The following OSBPL5 variants were observed in gnomAD, a reference collection of about 807,000 sequenced individuals.
OSBPL5 encodes the protein oxysterol binding protein like 5, also known as oxysterol-binding protein-related protein 5.
OSBPL5 carries 71 observed loss-of-function variants against 111.2 expected under a neutral mutation model. That is an observed-to-expected ratio of 0.64 (90% CI 0.53 to 0.78). The LOEUF (loss-of-function observed/expected upper bound fraction) is 0.78, where lower values mean the gene tolerates loss of function less well. Ranked by LOEUF, OSBPL5 falls within the 30% of genes least tolerant of loss-of-function variation. The probability of loss-of-function intolerance (pLI) is 0.00; values close to 1 mark genes in which losing one functional copy is unlikely to be tolerated. For missense variants in OSBPL5, 1,210 were observed against 1,189.3 expected (o/e 1.02, Z -0.26); for synonymous variants, 549 against 513.9 (o/e 1.07, Z -0.93).
At chr11:3,164,838 G>A (rs977796224) in intron 1 of OSBPL5, among the ~76,000 whole-genome samples, 1 of 152,180 alleles carries the variant, frequency 6.6e-6, no homozygotes, top group Non-Finnish European at 1.5e-5. Context: ...AGGGTTTGTG[G>A]TGGTCAGACC....
Position 3,092,910 on chromosome 11 carries a change from G to A in OSBPL5, c.2089C>T (p.His697Tyr). Residue 697 changes from histidine (H) to tyrosine (Y), a missense_variant, in exon 18 of 22, where the codon CAC (histidine) becomes TAC (tyrosine). Coordinates refer to ENST00000263650, the MANE Select transcript of OSBPL5 (RefSeq NM_020896.4). This position sits in a 1 kb window ranked among gnomAD's most constrained non-coding sequence, Gnocchi z 5.4. ...SLMPWKPQLFHLDPITQEWHY... is the reference protein window; with the variant it reads ...SLMPWKPQLFYLDPITQEWHY... ...CACTCCTGGGTGATGGGGTCCAGGT[G>A]GAACAGCTGCGGCTTCCAGGGCATG... 6.4e-7 allele frequency: 1 copy of A among 1,564,822 alleles called. No homozygotes were observed. Among genetic ancestry groups the A allele is most frequent in the Non-Finnish European group, 8.7e-7 (1 of 1,154,496 alleles).
At chr11:3,138,392 G>A (rs1846009312) in intron 1 of OSBPL5, among the ~76,000 whole-genome samples, 1 of 152,230 alleles carries the variant, frequency 6.6e-6, no homozygotes, top group South Asian at 2.1e-4. Flanking sequence ...CCGATTTTCA[G>A]ATGCTAGCTG....
At chr11:3,091,467 G>A (rs1857052239) in intron 19 of OSBPL5, among the ~76,000 whole-genome samples, 3 of 152,124 alleles carry the variant, frequency 2.0e-5, no homozygotes, top group African/African-American at 7.2e-5. Flanking sequence ...GGCATGGCAG[G>A]GCCCAGGCTG....
chr11:3,097,821 C>A (rs1431659119), intron 14 of OSBPL5, among the ~76,000 whole-genome samples: 1 of 152,224 alleles, frequency 6.6e-6, no homozygotes, highest in African/African-American at 2.4e-5. Flanking sequence ...AATCCCAGCA[C>A]TTTGGGAGGC....
chr11:3,107,447 C>G lies in OSBPL5; in HGVS notation c.875G>C (p.Gly292Ala), dbSNP rs761084899. The stretch of plus-strand genomic sequence containing the variant: ...GAATGCATCGTTCTCCAGGGAAGAC[C>G]CGTTCAGTCTGGAAGGTGGATGGTG... ...HPDQDLFPLNGSSLENDAFSD... is the reference protein window; with the variant it reads ...HPDQDLFPLNASSLENDAFSD... Residue 292 changes from glycine to alanine, a missense_variant, in exon 9 of 22, where the codon GGG (glycine) becomes GCG (alanine). Physicochemically the swap from Gly to Ala is moderately conservative, Grantham distance 60. Coordinates refer to ENST00000263650, the MANE Select transcript of OSBPL5 (RefSeq NM_020896.4). The surrounding 1 kb of genome is among the most constrained non-coding windows in gnomAD (Gnocchi z 6.1). 8.1e-6 allele frequency: 13 copies of G among 1,613,888 alleles called. No individual in the cohort carries two copies. The South Asian group carries it at 1.4e-4, about 18-fold the overall frequency.
intron 4 of OSBPL5, 97 bp from the exon 5 acceptor site, chr11:3,122,195 G>A: frequency 7.3e-7 from 1 of 1,377,024 alleles, no homozygotes; most frequent in Non-Finnish European, 1.0e-6. Flanking sequence ...AGGGGCAGGG[G>A]CAGGAGAGGA....
chr11:3,117,785 A>G (rs765333608), intron 7 of OSBPL5, among the ~76,000 whole-genome samples: 9 of 152,164 alleles, frequency 5.9e-5, no homozygotes, highest in Non-Finnish European at 1.3e-4. Flanking sequence ...GTCGCTGAAG[A>G]CTAAGCTGTG....
chr11:3,152,319 T>C (rs1172842513), intron 1 of OSBPL5, among the ~76,000 whole-genome samples: 1 of 152,236 alleles, frequency 6.6e-6, no homozygotes, highest in African/African-American at 2.4e-5. Context: ...TAACACGTCT[T>C]CTAGGTATAA....
intron 1 of OSBPL5, among the ~76,000 whole-genome samples, chr11:3,145,927 G>A (rs1846326075): frequency 6.6e-6 from 1 of 152,188 alleles, no homozygotes; most frequent in African/African-American, 2.4e-5. Context: ...GAGGGTTACA[G>A]GGACACTGGT....
At chr11:3,103,784 G>A (rs1453331734) in intron 10 of OSBPL5, among the ~76,000 whole-genome samples, 30 of 65,698 alleles carry the variant, frequency 4.6e-4, no homozygotes, top group Non-Finnish European at 7.9e-4. Context: ...AGCCTCTGCA[G>A]TCCCTTCCTG....
At chr11:3,112,386 T>A (rs1858027784) in intron 7 of OSBPL5, among the ~76,000 whole-genome samples, 1 of 152,206 alleles carries the variant, frequency 6.6e-6, no homozygotes, top group Non-Finnish European at 1.5e-5. Flanking sequence ...TTGTTTTTTC[T>A]TATGAAACCC....
chr11:3,103,888 A>AGCCTCTGCAGCCCTC (rs1564830906), intron 10 of OSBPL5, among the ~76,000 whole-genome samples: 1 of 102,882 alleles, frequency 9.7e-6, no homozygotes, highest in Non-Finnish European at 1.9e-5. Flanking sequence ...CTGTAGCCCC[A>AGCCTCTGCAGCCCTC]TTCCTGCCTC....
rs1038585652 is a variant in OSBPL5, at chr11:3,106,902, C to T, written c.1059+361G>A. 2.0e-5 allele frequency among the ~76,000 whole-genome samples: 3 copies of T among 152,188 alleles called. No individual in the cohort carries two copies. Among genetic ancestry groups the T allele is most frequent in the African/African-American group, 4.8e-5 (2 of 41,442 alleles). On this transcript the variant is annotated intron_variant, in intron 9 of 21. Coordinates refer to ENST00000263650, the MANE Select transcript of OSBPL5 (RefSeq NM_020896.4). The surrounding 1 kb of genome is among the most constrained non-coding windows in gnomAD (Gnocchi z 8.4). ...ACTCAGGTCCACACGCCCTCCTCTGCGCTCCTCCAGGAAGTGGGGCCGCCC... is the reference window on the plus strand; with the variant it reads ...ACTCAGGTCCACACGCCCTCCTCTGTGCTCCTCCAGGAAGTGGGGCCGCCC...
intron 1 of OSBPL5, among the ~76,000 whole-genome samples, chr11:3,129,578 A>G (rs1195795896): frequency 1.3e-5 from 2 of 152,030 alleles, no homozygotes; most frequent in African/African-American, 4.8e-5. Flanking sequence ...AGGGGTCTAG[A>G]GCTTCCATGG....
At chr11:3,111,953 C>CTGTGTG (rs71464198) in intron 7 of OSBPL5, among the ~76,000 whole-genome samples, 2 of 142,648 alleles carry the variant, frequency 1.4e-5, no homozygotes, top group Admixed American at 6.9e-5. Flanking sequence ...AACATCCAAG[C>CTGTGTG]TGTGTGTGTG....
At chr11:3,111,970 CAT>C (rs1491251320) in intron 7 of OSBPL5, among the ~76,000 whole-genome samples, 190 of 111,846 alleles carry the variant, frequency 1.7e-3, no homozygotes, top group African/African-American at 5.5e-3. Context: ...TGTGTGTGTG[CAT>C]ATGTGTGCGC....
Position 3,093,517 on chromosome 11 carries a change from C to T in OSBPL5, c.1946+10G>A. ...GGTCAGCAGGGTCCCTGGGCGCTGACAGGCCTCACCTCTCGGACTCCAGCT... is the reference window on the plus strand; with the variant it reads ...GGTCAGCAGGGTCCCTGGGCGCTGATAGGCCTCACCTCTCGGACTCCAGCT... On this transcript the variant is annotated intron_variant, in intron 17 of 21. Transcript: ENST00000263650. 1 of 1,605,626 alleles carries T rather than the reference C, an allele frequency of 6.2e-7. No individual in the cohort carries two copies. The highest frequency in any genetic ancestry group is 8.5e-7 in the Non-Finnish European group (1 of 1,178,786).
At chr11:3,094,713 C>T (rs10833220) in intron 14 of OSBPL5, 62,392 of 205,912 alleles carry the variant, frequency 0.3, 12,424 homozygotes, top group East Asian at 0.79. Context: ...AGACATGCAT[C>T]GTGCTTCACT....
rs1175039515 is a variant in OSBPL5 at position 3,130,649 on chromosome 11, TCA to T, written c.-21-1482_-21-1481del. On this transcript the variant is annotated intron_variant, in intron 1 of 21. Coordinates refer to ENST00000263650, the MANE Select transcript of OSBPL5 (RefSeq NM_020896.4). This position sits in a 1 kb window ranked among gnomAD's most constrained non-coding sequence, Gnocchi z 4.5. Reference sequence around the variant, plus strand: ...CATCTTACACACAGGGCAGCTGGCTTCAGAGAGGCTGGCGTTTTGGCCCAGGT... The same window carrying T: ...CATCTTACACACAGGGCAGCTGGCTTGAGAGGCTGGCGTTTTGGCCCAGGT... Among the ~76,000 whole-genome samples, 1 of 152,124 alleles carries T rather than the reference TCA, an allele frequency of 6.6e-6. No homozygotes were observed. The highest frequency in any genetic ancestry group is 1.5e-5 in the Non-Finnish European group (1 of 68,016).
Sources: allele counts gnomAD v4.1 joint callset (sites outside exome capture counted in the v4.1 genomes callset), GRCh38; gene constraint gnomAD v4.1.1; non-coding constraint Gnocchi (gnomAD v3.1); transcripts MANE v1.5; gene names NCBI Gene and HGNC (gene_info 2026-07-23, HGNC 2026-07-21).